The following DENND1A variants were observed in gnomAD, a reference collection of about 807,000 sequenced individuals.
DENND1A encodes DENN domain-containing protein 1A.
In DENND1A, 51 loss-of-function variants were observed where a neutral mutation model predicts 113.7. The ratio of observed to expected loss-of-function variants is 0.45; its 90% CI spans 0.36 to 0.57. DENND1A has a LOEUF of 0.57. Ranked by LOEUF, DENND1A falls within the 20% of genes least tolerant of loss-of-function variation. DENND1A has a pLI of 0.00. For missense variants in DENND1A, 1,258 were observed against 1,395.9 expected, an observed-to-expected ratio of 0.90 and a Z score of 1.57; for synonymous variants, 565 against 570.8, an observed-to-expected ratio of 0.99 and a Z score of 0.14.
intron 10 of DENND1A, among the ~76,000 whole-genome samples, chr9:123,611,272 C>T (rs930171477): frequency 2.0e-5 from 3 of 152,006 alleles, no homozygotes; most frequent in African/African-American, 4.8e-5. Context: ...TTTTTTTCCC[C>T]TTAAACTGTA....
intron 3 of DENND1A, among the ~76,000 whole-genome samples, chr9:123,772,729 A>G (rs553033068): frequency 6.6e-6 from 1 of 152,296 alleles, no homozygotes; most frequent in South Asian, 2.1e-4. Flanking sequence ...AAAAAAGTGA[A>G]TCTATAGTAG....
intron 10 of DENND1A, among the ~76,000 whole-genome samples, chr9:123,619,935 G>A (rs1175064288): frequency 6.6e-6 from 1 of 151,944 alleles, no homozygotes; most frequent in Non-Finnish European, 1.5e-5. Flanking sequence ...TGTCCAGTCT[G>A]GGCATGGTGG....
Position 123,422,069 on chromosome 9 carries a change from A to G in DENND1A, c.1489-10240T>C, listed in dbSNP as rs2045353966. On this transcript the variant is annotated intron_variant, in intron 19 of 23. Transcript: ENST00000394215. This position sits in a 1 kb window ranked among gnomAD's most constrained non-coding sequence, Gnocchi z 4.8. Reference sequence around the variant, plus strand: ...GTTCTCTCTCTATTCCTGGCCCACAAAAGTCGGGCACTCCTACCTCTGTCC... The same window carrying G: ...GTTCTCTCTCTATTCCTGGCCCACAGAAGTCGGGCACTCCTACCTCTGTCC... Among the ~76,000 whole-genome samples, 1 of 152,158 alleles carries G rather than the reference A, an allele frequency of 6.6e-6. No individual in the cohort carries two copies. The highest frequency in any genetic ancestry group is 2.4e-5 in the African/African-American group (1 of 41,424).
chr9:123,857,192 A>G (rs1396818523), intron 2 of DENND1A, among the ~76,000 whole-genome samples: 5 of 152,198 alleles, frequency 3.3e-5, no homozygotes, highest in African/African-American at 7.2e-5. Context: ...AAAAGAAACT[A>G]AAAGATGAGC....
At chr9:123,711,493 A>ATATATATG in intron 5 of DENND1A, among the ~76,000 whole-genome samples, 3 of 93,384 alleles carry the variant, frequency 3.2e-5, no homozygotes, top group African/African-American at 1.4e-4. Flanking sequence ...AAAAATATAT[A>ATATATATG]TATATATATA....
chr9:123,769,640 G>A, intron 3 of DENND1A, 77 bp from the exon 4 acceptor site: 1 of 1,291,044 alleles, frequency 7.7e-7, no homozygotes, highest in South Asian at 1.5e-5. Context: ...ACACAATCTA[G>A]CAACTTTACC....
intron 10 of DENND1A, among the ~76,000 whole-genome samples, chr9:123,620,681 T>C (rs1269019366): frequency 6.6e-6 from 1 of 152,120 alleles, no homozygotes; most frequent in Non-Finnish European, 1.5e-5. Flanking sequence ...TCAACACACA[T>C]TTGTGTATGT....
At chr9:123,744,623 T>G (rs1191159997) in intron 5 of DENND1A, among the ~76,000 whole-genome samples, 1 of 152,142 alleles carries the variant, frequency 6.6e-6, no homozygotes, top group Admixed American at 6.5e-5. Flanking sequence ...CAAGCTAGCA[T>G]AACCTAGGCT....
chr9:123,914,738 G>A (rs559535363), intron 1 of DENND1A, among the ~76,000 whole-genome samples: 1 of 151,672 alleles, frequency 6.6e-6, no homozygotes, highest in East Asian at 1.9e-4. Flanking sequence ...GGGAGGGAGG[G>A]GGAGGAGCCA....
chr9:123,782,268 G>C (rs1467942588), intron 3 of DENND1A, among the ~76,000 whole-genome samples: 1 of 152,082 alleles, frequency 6.6e-6, no homozygotes, highest in Admixed American at 6.6e-5. Flanking sequence ...GATAAAAAAT[G>C]TTCTCAACGC....
intron 2 of DENND1A, among the ~76,000 whole-genome samples, chr9:123,851,997 G>T (rs951364367): frequency 1.3e-5 from 2 of 152,148 alleles, no homozygotes; most frequent in African/African-American, 4.8e-5. Flanking sequence ...TCTCCATCAG[G>T]AAACTTCCAA....
At chr9:123,894,893 A>G (rs1850478947) in intron 1 of DENND1A, among the ~76,000 whole-genome samples, 1 of 152,190 alleles carries the variant, frequency 6.6e-6, no homozygotes, top group African/African-American at 2.4e-5. Flanking sequence ...TTGATTGTTC[A>G]CATTGCAGAA....
chr9:123,650,374 T>C (rs1454769498), intron 9 of DENND1A, among the ~76,000 whole-genome samples: 1 of 152,204 alleles, frequency 6.6e-6, no homozygotes, highest in Admixed American at 6.5e-5. Context: ...GAGTTTTCAT[T>C]ATTAGGTGCC....
intron 8 of DENND1A, among the ~76,000 whole-genome samples, chr9:123,656,699 G>C (rs775049647): frequency 3.2e-4 from 48 of 152,230 alleles, no homozygotes; most frequent in Non-Finnish European, 8.8e-5. Flanking sequence ...GGTGTCCCTG[G>C]CCACCTCTTC....
chr9:123,403,301 G>A, intron 21 of DENND1A, 101 bp downstream of exon 21: 2 of 1,188,182 alleles, frequency 1.7e-6, no homozygotes, highest in East Asian at 2.5e-5. Context: ...GAGCCCCGGG[G>A]AAGCCTCACA....
intron 13 of DENND1A, among the ~76,000 whole-genome samples, chr9:123,548,202 T>C (rs528819197): frequency 6.6e-6 from 1 of 152,126 alleles, no homozygotes; most frequent in African/African-American, 2.4e-5. Context: ...CCTCCCCTTA[T>C]CCTTGCTTCA....
At chr9:123,762,413 T>C (rs185416782) in intron 4 of DENND1A, among the ~76,000 whole-genome samples, 1 of 152,358 alleles carries the variant, frequency 6.6e-6, no homozygotes, top group African/African-American at 2.4e-5. Flanking sequence ...TATCAGCCAT[T>C]CAGGGCCTCT....
chr9:123,511,582 C>T (rs2053466516), intron 13 of DENND1A, among the ~76,000 whole-genome samples: 1 of 152,208 alleles, frequency 6.6e-6, no homozygotes, highest in East Asian at 1.9e-4. Flanking sequence ...AGCAGCAGCA[C>T]AAGGCCTGGC....
At chr9:123,549,484 C>T (rs1416712370) in intron 13 of DENND1A, among the ~76,000 whole-genome samples, 2 of 152,052 alleles carry the variant, frequency 1.3e-5, no homozygotes, top group African/African-American at 4.8e-5. Flanking sequence ...CTGAGTCAAC[C>T]GAAATCTGCT....
Sources: gnomAD v4.1 joint callset for allele counts (sites outside exome capture counted in the v4.1 genomes callset) on GRCh38, gnomAD v4.1.1 for gene constraint, Gnocchi (gnomAD v3.1) non-coding constraint, MANE v1.5 for transcripts, NCBI Gene and HGNC (gene_info 2026-07-23, HGNC 2026-07-21) for gene names.